Variants in FBXO3 observed in about 807,000 individuals in gnomAD.
FBXO3 encodes the protein F-box protein 3, also known as F-box only protein 3.
In FBXO3, 17 loss-of-function variants were observed where a neutral mutation model predicts 64.8. The ratio of observed to expected loss-of-function variants is 0.26; its 90% CI spans 0.18 to 0.39. FBXO3 has a LOEUF of 0.39. Ranked by LOEUF, FBXO3 falls within the 10% of genes least tolerant of loss-of-function variation. FBXO3 has a pLI of 1.00. For missense variants in FBXO3, 420 were observed against 589.9 expected (o/e 0.71, Z 2.98); for synonymous variants, 182 against 201.6 (o/e 0.90, Z 0.82).
chr11:33,750,598 C>A lies in FBXO3; in HGVS notation c.873G>T (p.Ser291=), dbSNP rs1435965287. 1.9e-6 allele frequency: 3 copies of A among 1,613,816 alleles called. No homozygotes were observed. The highest frequency in any genetic ancestry group is 4.5e-5 in the East Asian group (2 of 44,868). Residue 291 remains serine, a synonymous_variant, in exon 8 of 11, where the codon TCG becomes TCT. Transcript: ENST00000265651. ...GTACAGAGCTAAGTTCTGGCAGAAA[C>A]GATGTGGAAACTGACACAGTAATAT... ...TGDITVSVST[S]FLPELSSVHP...
chr11:33,752,887 G>A (rs1163132520), intron 6 of FBXO3, among the ~76,000 whole-genome samples: 3 of 152,138 alleles, frequency 2.0e-5, no homozygotes, highest in East Asian at 3.8e-4. Flanking sequence ...TTGGCATGGT[G>A]TATTTTAATC....
intron 4 of FBXO3, among the ~76,000 whole-genome samples, chr11:33,756,289 G>A (rs1855094929): frequency 6.6e-6 from 1 of 152,146 alleles, no homozygotes. Context: ...TGTTTTGCTA[G>A]CCATGTATGT....
In FBXO3 at chr11:33,757,516, A is replaced by T. The variant is rs1349132002; in HGVS notation, c.473+971T>A. Among the ~76,000 whole-genome samples, 277 of 95,148 alleles carry T rather than the reference A, an allele frequency of 2.9e-3. 2 individuals are homozygous for T. Among genetic ancestry groups the T allele is most frequent in the African/African-American group, 0.021 (268 of 12,536 alleles). 62.4% of individuals were successfully genotyped at this position (95,148 alleles called of 152,430 possible). A position where few individuals can be genotyped will look rare whatever the true frequency, so the allele number is the denominator to read the frequency against. ...AATAAAAGTTTATAAAACAAATCTT[A>T]AAAAAAAAAAAAAAAAGCTGAGCCA... On this transcript the variant is annotated intron_variant, in intron 4 of 10. Transcript: ENST00000265651.
At position 33,747,182 on chromosome 11, in the gene FBXO3, A is replaced by G; in HGVS notation, c.1187T>C (p.Ile396Thr). 1 of 1,610,530 alleles carries G rather than the reference A, an allele frequency of 6.2e-7. No individual in the cohort carries two copies. The change falls in exon 10 of 11, where the codon ATT becomes ACT. Residue 396 changes from isoleucine to threonine, a missense_variant. Transcript: ENST00000265651. ...YFKDKIFNVA[I>T]PRFHMACPTF... The stretch of plus-strand genomic sequence containing the variant: ...TGGACATGCCATATGGAATCGGGGA[A>G]TGGCAACATTAAAGATCTTGTCTTT...
At chr11:33,742,693 ACT>A in intron 10 of FBXO3, 1 of 152,294 alleles carries the variant, frequency 6.6e-6, no homozygotes, top group Non-Finnish European at 1.5e-5. Flanking sequence ...ACTTTTATGC[ACT>A]GTCAACAAGA....
At chr11:33,745,620 A>G (rs949003521) in intron 10 of FBXO3, 3 of 152,200 alleles carry the variant, frequency 2.0e-5, no homozygotes, top group Non-Finnish European at 4.4e-5. Flanking sequence ...ATCTGACACT[A>G]TTTTGAACTA....
At position 33,750,564 on chromosome 11, in the gene FBXO3, G is replaced by C; in HGVS notation, c.907C>G (p.His303Asp). The change falls in exon 8 of 11, where the codon CAC becomes GAC. Residue 303 changes from histidine (H) to aspartate (D), a missense_variant. By Grantham distance (81) the His-to-Asp change is moderately conservative (BLOSUM62 -1). Transcript: ENST00000265651. ...LPELSSVHPP[H>D]YFFTYRIRIE... ...CTGATTCGGTATGTGAAGAAATAGTGGGGTGGATGTACAGAGCTAAGTTCT... is the reference window on the plus strand; with the variant it reads ...CTGATTCGGTATGTGAAGAAATAGTCGGGTGGATGTACAGAGCTAAGTTCT... 2 of 1,613,850 alleles carry C rather than the reference G, an allele frequency of 1.2e-6. No homozygotes were observed. Among genetic ancestry groups the C allele is most frequent in the South Asian group, 1.1e-5 (1 of 91,054 alleles).
At chr11:33,754,542 C>T in intron 5 of FBXO3, 42 bp from the exon 6 acceptor site, 1 of 1,530,510 alleles carries the variant, frequency 6.5e-7, no homozygotes, top group Non-Finnish European at 8.8e-7. Context: ...ACACATTTTA[C>T]TTAATTTTTC....
At chr11:33,768,710 A>C in intron 3 of FBXO3, 141 bp downstream of exon 3, 1 of 952,050 alleles carries the variant, frequency 1.1e-6, no homozygotes, top group Non-Finnish European at 1.7e-6. Flanking sequence ...TCCTACTTCC[A>C]TGGCCAAATA....
intron 1 of FBXO3, chr11:33,772,771 T>C (rs1461166309): frequency 6.6e-6 from 1 of 152,072 alleles, no homozygotes; most frequent in Non-Finnish European, 1.5e-5. Flanking sequence ...TACTGTACCC[T>C]CAACACTTAA....
chr11:33,763,213 C>T (rs1460889632), intron 3 of FBXO3: 1 of 432,698 alleles, frequency 2.3e-6, no homozygotes, highest in Non-Finnish European at 4.7e-6. Context: ...TACATAAACT[C>T]TTCCAGGGAA....
chr11:33,757,047 G>A (rs770887994), intron 4 of FBXO3: 1 of 518,816 alleles, frequency 1.9e-6, no homozygotes, highest in Non-Finnish European at 3.8e-6. Context: ...TTTGACTTCT[G>A]AATACCTTAT....
At chr11:33,751,630 AAAAAG>A (rs1454049950) in intron 6 of FBXO3, 23 bp from the exon 7 acceptor site, 2 of 1,407,080 alleles carry the variant, frequency 1.4e-6, no homozygotes, top group South Asian at 2.5e-5. Context: ...AAAGGGAGAA[AAAAAG>A]AAAAGAACAA....
chr11:33,766,547 G>A (rs544363860), intron 3 of FBXO3, among the ~76,000 whole-genome samples: 26 of 152,222 alleles, frequency 1.7e-4, no homozygotes, highest in Admixed American at 4.6e-4. Flanking sequence ...CCAACCCCTC[G>A]TCTAAACAGT....
chr11:33,741,978 T>C lies in FBXO3; in HGVS notation c.1346A>G (p.Asp449Gly). 6.2e-7 allele frequency: 1 copy of C among 1,613,812 alleles called. No individual in the cohort carries two copies. Among genetic ancestry groups the C allele is most frequent in the Non-Finnish European group, 8.5e-7 (1 of 1,179,760 alleles). Residue 449 changes from aspartate to glycine, a missense_variant, in exon 11 of 11, where the codon GAT (aspartate) becomes GGT (glycine). Around this residue, in one of 3 missense-constraint regions of FBXO3, gnomAD observed 57 missense variants for 55.4 expected, o/e 1.03. Coordinates refer to ENST00000265651, the MANE Select transcript of FBXO3 (RefSeq NM_012175.4). ...SADMDESDED[D>G]EEERRRRVFD... The stretch of plus-strand genomic sequence containing the variant: ...GACTCTCCTCCGTCTCTCCTCTTCA[T>C]CATCTTCATCTGATTCATCCATATC...
At chr11:33,756,401 C>T (rs1855098296) in intron 4 of FBXO3, among the ~76,000 whole-genome samples, 1 of 152,210 alleles carries the variant, frequency 6.6e-6, no homozygotes, top group African/African-American at 2.4e-5. Flanking sequence ...TGTAAAGCAG[C>T]TTAAACCTTG....
intron 2 of FBXO3, 60 bp from the exon 3 acceptor site, chr11:33,769,074 A>C (rs927273431): frequency 3.5e-5 from 48 of 1,373,926 alleles, no homozygotes; most frequent in Non-Finnish European, 4.5e-5. Context: ...CATTTATTTT[A>C]GATACCTACA....
At position 33,749,662 on chromosome 11, in the gene FBXO3, C is replaced by T. The variant is rs373353025; in HGVS notation, c.933-770G>A. Among the ~76,000 whole-genome samples, 6 of 152,276 alleles carry T rather than the reference C, an allele frequency of 3.9e-5. No homozygotes were observed. The East Asian group carries it at 9.6e-4, about 24-fold the overall frequency. ...TATAGGCGTGGGCCACCGTGTCCAGCCTGGGATTACACTTTGACTCTGTTT... is the reference window on the plus strand; with the variant it reads ...TATAGGCGTGGGCCACCGTGTCCAGTCTGGGATTACACTTTGACTCTGTTT... On this transcript the variant is annotated intron_variant, in intron 8 of 10. Transcript: ENST00000265651.
In FBXO3 at chr11:33,768,864, A is replaced by G. The variant is rs779204780; in HGVS notation, c.345T>C (p.Val115=). The part of the protein sequence containing the change: ...KYLEPRCPRM[V]LSLKEGAREE... ...AATTCCCAGTACCTTTCAGAGATAA[A>G]ACCATCCGAGGACACCTGGGCTCCA... Residue 115 remains valine, a synonymous_variant, in exon 3 of 11, where the codon GTT becomes GTC. Transcript: ENST00000265651. The G allele has an allele frequency of 6.2e-7, 1 of 1,614,002 alleles. No homozygotes were observed. Among genetic ancestry groups the G allele is most frequent in the Non-Finnish European group, 8.5e-7 (1 of 1,179,934 alleles).
Sources: gnomAD v4.1 joint callset for allele counts (sites outside exome capture counted in the v4.1 genomes callset) on GRCh38, gnomAD v4.1.1 for gene constraint, gnomAD v4.1.1 regional missense constraint, MANE v1.5 for transcripts, NCBI Gene and HGNC (gene_info 2026-07-23, HGNC 2026-07-21) for gene names.